Variants in ETV6 observed in about 807,000 individuals in gnomAD.
The protein encoded by ETV6 is ETS variant transcription factor 6.
In ETV6, 16 loss-of-function variants were observed where a neutral mutation model predicts 51.1. The ratio of observed to expected loss-of-function variants is 0.31; its 90% confidence interval spans 0.21 to 0.48. The LOEUF (loss-of-function observed/expected upper bound fraction) is 0.48, where lower values mean the gene tolerates loss of function less well. ETV6 is among the 20% of genes least tolerant of loss of function. The probability of loss-of-function intolerance (pLI) is 0.99; values close to 1 mark genes in which losing one functional copy is unlikely to be tolerated. For missense variants in ETV6, 458 were observed against 594.8 expected (o/e 0.77, Z 2.39); for synonymous variants, 240 against 224.1 (o/e 1.07, Z -0.64).
At chr12:11,761,884 C>A (rs536805267) in intron 2 of ETV6, among the ~76,000 whole-genome samples, 1 of 152,216 alleles carries the variant, frequency 6.6e-6, no homozygotes, top group Non-Finnish European at 1.5e-5. Flanking sequence ...GGGGTATCAG[C>A]AGTGGAACAT....
At chr12:11,727,117 T>C (rs942166172) in intron 1 of ETV6, among the ~76,000 whole-genome samples, 1 of 152,218 alleles carries the variant, frequency 6.6e-6, no homozygotes, top group Non-Finnish European at 1.5e-5. Context: ...GTAGGTGAAC[T>C]ACGGCTGGAA....
At chr12:11,731,104 A>C (rs1865587575) in intron 1 of ETV6, among the ~76,000 whole-genome samples, 1 of 152,130 alleles carries the variant, frequency 6.6e-6, no homozygotes, top group Non-Finnish European at 1.5e-5. Flanking sequence ...AAATGATTTT[A>C]AGTGTGAGCT....
intron 2 of ETV6, among the ~76,000 whole-genome samples, chr12:11,810,581 G>A (rs148631591): frequency 1.5e-4 from 23 of 152,304 alleles, no homozygotes; most frequent in African/African-American, 5.5e-4. Flanking sequence ...AAAAATACCT[G>A]TGGTCTCTTG....
Position 11,893,976 on chromosome 12 carries a change from T to C in ETV6, c.*2930T>C, listed in dbSNP as rs1565573691. ...TGTACTACCAATAAGGATTTCGTAA[T>C]TCCCCTAACTGCAAATGTCCTCTTC... is the stretch of plus-strand genomic sequence containing the variant. On this transcript the variant is annotated 3_prime_UTR_variant, in exon 8 of 8. Coordinates refer to ENST00000396373, the MANE Select transcript of ETV6 (RefSeq NM_001987.5). 4.5e-6 allele frequency: 1 copy of C among 223,228 alleles called. No individual in the cohort carries two copies. Among genetic ancestry groups the C allele is most frequent in the African/African-American group, 2.2e-5 (1 of 44,840 alleles). The allele number at this position is 223,228 out of a possible 1,614,324, so 13.8% of individuals were successfully genotyped here.
intron 2 of ETV6, among the ~76,000 whole-genome samples, chr12:11,763,070 T>A (rs145025693): frequency 1.3e-5 from 2 of 152,322 alleles, no homozygotes; most frequent in East Asian, 3.9e-4. Context: ...GTTGGAAGGT[T>A]CATCTCTGTT....
intron 1 of ETV6, among the ~76,000 whole-genome samples, chr12:11,742,586 A>G (rs1462669999): frequency 6.6e-6 from 1 of 152,154 alleles, no homozygotes; most frequent in East Asian, 1.9e-4. Flanking sequence ...CTCCTTCCCC[A>G]GTTACTGTCA....
intron 2 of ETV6, among the ~76,000 whole-genome samples, chr12:11,795,819 G>T (rs1945667659): frequency 6.6e-6 from 1 of 152,278 alleles, no homozygotes; most frequent in African/African-American, 2.4e-5. Context: ...TAGATAAAAT[G>T]GGGTTAAGAA....
Position 11,873,782 on chromosome 12 carries a change from A to G in ETV6, c.1009+3813A>G, listed in dbSNP as rs190000312. 2.7e-5 allele frequency among the ~76,000 whole-genome samples: 3 copies of G among 112,404 alleles called. 1 individual carries two copies. The highest frequency in any genetic ancestry group is 1.8e-5 in the Non-Finnish European group (1 of 55,324). The allele number at this position is 112,404 out of a possible 152,430, so 73.7% of individuals were successfully genotyped here. ...TATAAGACACAGTCTTTATCATGAA[A>G]GAGCTGAGCACAGTTAACTATAAAA... On this transcript the variant is annotated intron_variant, in intron 5 of 7. Coordinates refer to ENST00000396373, the MANE Select transcript of ETV6 (RefSeq NM_001987.5).
chr12:11,682,355 TA>T (rs1864547354), intron 1 of ETV6, among the ~76,000 whole-genome samples: 1 of 152,266 alleles, frequency 6.6e-6, no homozygotes, highest in Admixed American at 6.5e-5. Flanking sequence ...GTTGACCGCA[TA>T]AATGTCTTCT....
intron 4 of ETV6, among the ~76,000 whole-genome samples, chr12:11,856,719 CAT>C (rs1946637681): frequency 6.6e-6 from 1 of 152,122 alleles, no homozygotes; most frequent in African/African-American, 2.4e-5. Context: ...TCCAGCTCAA[CAT>C]AAATTGTTTC....
At chr12:11,671,254 C>T (rs538337752) in intron 1 of ETV6, among the ~76,000 whole-genome samples, 2 of 152,220 alleles carry the variant, frequency 1.3e-5, no homozygotes, top group South Asian at 2.1e-4. Flanking sequence ...TTTCATTAAA[C>T]CTGGGGTTTG....
At chr12:11,717,744 C>T (rs1865303833) in intron 1 of ETV6, among the ~76,000 whole-genome samples, 1 of 152,166 alleles carries the variant, frequency 6.6e-6, no homozygotes, top group Non-Finnish European at 1.5e-5. Flanking sequence ...GGACATTTTT[C>T]CTATAGTTTA....
At chr12:11,653,419 C>T (rs1488938510) in intron 1 of ETV6, among the ~76,000 whole-genome samples, 1 of 152,160 alleles carries the variant, frequency 6.6e-6, no homozygotes, top group Non-Finnish European at 1.5e-5. Flanking sequence ...CCCCTCCTTC[C>T]CTGCTGTCCG....
intron 4 of ETV6, among the ~76,000 whole-genome samples, chr12:11,864,880 T>C (rs1946770049): frequency 6.6e-6 from 1 of 152,176 alleles, no homozygotes; most frequent in South Asian, 2.1e-4. Flanking sequence ...CATGTCTTCC[T>C]CTGTGGTCTA....
At chr12:11,710,245 C>T (rs1006163974) in intron 1 of ETV6, among the ~76,000 whole-genome samples, 4 of 151,910 alleles carry the variant, frequency 2.6e-5, no homozygotes, top group African/African-American at 7.3e-5. Flanking sequence ...ATTCAGAGAC[C>T]GTTATTCCCT....
At chr12:11,840,630 A>G in intron 3 of ETV6, 1 of 399,112 alleles carries the variant, frequency 2.5e-6, no homozygotes, top group South Asian at 1.8e-5. Flanking sequence ...AAGCCCCAGC[A>G]CCCGTATCTC....
chr12:11,822,973 A>C (rs541975110), intron 2 of ETV6, among the ~76,000 whole-genome samples: 1 of 152,322 alleles, frequency 6.6e-6, no homozygotes, highest in African/African-American at 2.4e-5. Flanking sequence ...AATTATCAGT[A>C]CATGACAGCA....
chr12:11,675,255 C>T (rs981019724), intron 1 of ETV6, among the ~76,000 whole-genome samples: 1 of 152,242 alleles, frequency 6.6e-6, no homozygotes, highest in Admixed American at 6.5e-5. Flanking sequence ...TCTTTGAAGA[C>T]CTTGTAGAGT....
chr12:11,772,798 A>G (rs1945261475), intron 2 of ETV6, among the ~76,000 whole-genome samples: 1 of 152,112 alleles, frequency 6.6e-6, no homozygotes, highest in Admixed American at 6.6e-5. Flanking sequence ...AAAGCCTAAA[A>G]TTTTTATTTT....
Sources: gnomAD v4.1 joint callset for allele counts (sites outside exome capture counted in the v4.1 genomes callset) on GRCh38, gnomAD v4.1.1 for gene constraint, MANE v1.5 for transcripts, NCBI Gene and HGNC (gene_info 2026-07-23, HGNC 2026-07-21) for gene names.